The following MCTP2 variants were observed in gnomAD, a reference collection of about 807,000 sequenced individuals.
MCTP2 encodes the protein multiple C2 and transmembrane domain containing 2, also known as multiple C2 and transmembrane domain-containing protein 2.
In MCTP2, 132 loss-of-function variants were observed where a neutral mutation model predicts 111.6. The observed-to-expected ratio is 1.18, with a 90% CI of 1.03 to 1.37. MCTP2 has a LOEUF of 1.37. Ranked by LOEUF, MCTP2 falls within the 40% of genes most tolerant of loss-of-function variation. MCTP2 has a pLI of 0.00. For missense variants in MCTP2, 1,183 were observed against 1,067.9 expected (o/e 1.11, Z -1.50); for synonymous variants, 395 against 387.7 (o/e 1.02, Z -0.22).
intron 17 of MCTP2, among the ~76,000 whole-genome samples, chr15:94,405,949 T>C (rs1024874600): frequency 1.3e-5 from 2 of 152,186 alleles, no homozygotes; most frequent in African/African-American, 2.4e-5. Context: ...CAAATTAATA[T>C]GAGATGTTGA....
At chr15:94,385,584 T>C (rs758366074) in intron 14 of MCTP2, 59 bp downstream of exon 14, 1 of 1,172,236 alleles carries the variant, frequency 8.5e-7, no homozygotes, top group Non-Finnish European at 1.3e-6. Flanking sequence ...TGAGTTTCTA[T>C]GGTCTAGAGT....
At chr15:94,328,353 C>T (rs1387893553) in intron 4 of MCTP2, among the ~76,000 whole-genome samples, 4 of 152,090 alleles carry the variant, frequency 2.6e-5, no homozygotes, top group Non-Finnish European at 5.9e-5. Flanking sequence ...TGGTCTTGAT[C>T]TCCTGACCTC....
At chr15:94,409,884 C>CCCCT (rs2082078242) in intron 17 of MCTP2, among the ~76,000 whole-genome samples, 1 of 141,902 alleles carries the variant, frequency 7.0e-6, no homozygotes, top group Non-Finnish European at 1.5e-5. Flanking sequence ...CCTCCCTTTC[C>CCCCT]CCCTCCCTCC....
chr15:94,298,215 T>G lies in MCTP2; in HGVS notation c.-51T>G, dbSNP rs2152334177. 3 of 1,338,938 alleles carry G rather than the reference T, an allele frequency of 2.2e-6. No homozygotes were observed. Among genetic ancestry groups the G allele is most frequent in the Non-Finnish European group, 2.0e-6 (2 of 988,624 alleles). The allele number at this position is 1,338,938 out of a possible 1,614,324, so 82.9% of individuals were successfully genotyped here. A position where few individuals can be genotyped will look rare whatever the true frequency, so the allele number is the denominator to read the frequency against. ...CTGTTTTATAGGAGTCATTGCAGTTTTCAGTAGAGGTGTACTTCTGAGAAG... is the reference window on the plus strand; with the variant it reads ...CTGTTTTATAGGAGTCATTGCAGTTGTCAGTAGAGGTGTACTTCTGAGAAG... On this transcript the variant is annotated 5_prime_UTR_variant, in exon 2 of 23. Coordinates refer to ENST00000357742, the MANE Select transcript of MCTP2 (RefSeq NM_001385001.1).
rs762015943 is a variant in MCTP2, at chr15:94,402,003, G to C, written c.2069G>C (p.Ser690Thr). Residue 690 changes from serine (S) to threonine (T), a missense_variant, in exon 17 of 23, where the codon AGT becomes ACT. By Grantham distance (58) the Ser-to-Thr change is moderately conservative. Transcript: ENST00000357742. ...TTCCAGTGGGAATCCACATTAAGAA[G>C]TACAATAGCATTCGCGGTAAGCTTC... is the stretch of plus-strand genomic sequence containing the variant. ...SCFQWESTLR[S>T]TIAFAVFLIT... 6.2e-7 allele frequency: 1 copy of C among 1,612,060 alleles called. No homozygotes were observed. Among genetic ancestry groups the C allele is most frequent in the East Asian group, 2.2e-5 (1 of 44,824 alleles).
chr15:94,358,427 T>C, intron 9 of MCTP2, 55 bp from the exon 10 acceptor site: 1 of 1,503,634 alleles, frequency 6.7e-7, no homozygotes, highest in Non-Finnish European at 9.1e-7. Context: ...GTGTAGCTTC[T>C]GTAGCAATGA....
chr15:94,341,126 G>T, intron 7 of MCTP2: 1 of 510,052 alleles, frequency 2.0e-6, no homozygotes, highest in Non-Finnish European at 3.5e-6. Context: ...ATTTGTTAAG[G>T]AATTATTTCT....
chr15:94,482,104 T>G lies in MCTP2; in HGVS notation c.*3070T>G, dbSNP rs1016381237. 3.3e-5 allele frequency: 5 copies of G among 152,226 alleles called. No individual in the cohort carries two copies. The highest frequency in any genetic ancestry group is 4.4e-5 in the Non-Finnish European group (3 of 68,044). 9.4% of individuals were successfully genotyped at this position (152,226 alleles called of 1,614,324 possible). Reference sequence around the variant, plus strand: ...TTTTCTTTACTTGTAAATTATCATTTAACAAGTCTATATTGAATGCCGATA... The same window carrying G: ...TTTTCTTTACTTGTAAATTATCATTGAACAAGTCTATATTGAATGCCGATA... On this transcript the variant is annotated 3_prime_UTR_variant, in exon 23 of 23. Coordinates refer to ENST00000357742, the MANE Select transcript of MCTP2 (RefSeq NM_001385001.1).
intron 4 of MCTP2, among the ~76,000 whole-genome samples, chr15:94,336,202 C>T (rs972310480): frequency 1.9e-4 from 29 of 152,170 alleles, no homozygotes; most frequent in African/African-American, 4.3e-4. Context: ...TTCCCTCCTT[C>T]GCTGTTGGAG....
intron 1 of MCTP2, among the ~76,000 whole-genome samples, chr15:94,237,313 C>T (rs1376944352): frequency 1.3e-5 from 2 of 152,056 alleles, no homozygotes; most frequent in African/African-American, 2.4e-5. Flanking sequence ...GGAGATGAAT[C>T]CTCCACTCTC....
At chr15:94,261,662 T>C (rs112914525) in intron 1 of MCTP2, among the ~76,000 whole-genome samples, 1 of 152,224 alleles carries the variant, frequency 6.6e-6, no homozygotes, top group African/African-American at 2.4e-5. Context: ...ACCAGGCATA[T>C]GTAGTTGATG....
chr15:94,309,929 A>T (rs1419308745), intron 2 of MCTP2, among the ~76,000 whole-genome samples: 1 of 152,246 alleles, frequency 6.6e-6, no homozygotes, highest in African/African-American at 2.4e-5. Flanking sequence ...AATAGTGCTC[A>T]TTCCAAGATG....
Position 94,298,361 on chromosome 15 carries a change from A to G in MCTP2, c.96A>G (p.Pro32=), listed in dbSNP as rs1241326610. Residue 32 remains proline (P), a synonymous_variant, in exon 2 of 23, where the codon CCA becomes CCG. Coordinates refer to ENST00000357742, the MANE Select transcript of MCTP2 (RefSeq NM_001385001.1). ...GCAAGAAGAAGGTGAAAAAGAACCC[A>G]AGTAAGCCCCCAGATCTACGGGCAA... ...NLSKKKVKKN[P]SKPPDLRARH... 2.5e-6 allele frequency: 4 copies of G among 1,614,150 alleles called. No homozygotes were observed. Among genetic ancestry groups the G allele is most frequent in the Non-Finnish European group, 3.4e-6 (4 of 1,180,016 alleles).
intron 1 of MCTP2, among the ~76,000 whole-genome samples, chr15:94,244,498 A>G (rs574392531): frequency 6.1e-5 from 9 of 147,556 alleles, no homozygotes; most frequent in African/African-American, 2.0e-4. Context: ...GTATATGTAT[A>G]CACATACATA....
chr15:94,378,355 C>T (rs940716033), intron 12 of MCTP2, among the ~76,000 whole-genome samples: 27 of 146,316 alleles, frequency 1.8e-4, no homozygotes, highest in African/African-American at 6.3e-4. Context: ...AACCTGATGT[C>T]TACCAAAAAA....
chr15:94,325,645 T>C (rs2076828439), intron 4 of MCTP2, among the ~76,000 whole-genome samples: 1 of 148,918 alleles, frequency 6.7e-6, no homozygotes, highest in Non-Finnish European at 1.5e-5. Context: ...AGAGACTCTT[T>C]TAAAAGGCAC....
At chr15:94,234,543 A>G (rs866267792) in intron 1 of MCTP2, among the ~76,000 whole-genome samples, 1 of 152,038 alleles carries the variant, frequency 6.6e-6, no homozygotes, top group South Asian at 2.1e-4. Flanking sequence ...AGTGAGAGGG[A>G]AAGTTGTGGT....
At chr15:94,303,022 T>C (rs1433015292) in intron 2 of MCTP2, among the ~76,000 whole-genome samples, 1 of 99,952 alleles carries the variant, frequency 1.0e-5, no homozygotes, top group Non-Finnish European at 2.2e-5. Context: ...ACAAGGAAAC[T>C]CCCTGTATTA....
chr15:94,422,527 A>AT (rs955651733), intron 17 of MCTP2, among the ~76,000 whole-genome samples: 4 of 152,028 alleles, frequency 2.6e-5, no homozygotes, highest in Non-Finnish European at 5.9e-5. Flanking sequence ...ACTCTTCCTA[A>AT]TTTTTTTCCA....
Sources: gnomAD v4.1 joint callset for allele counts (sites outside exome capture counted in the v4.1 genomes callset) on GRCh38, gnomAD v4.1.1 for gene constraint, MANE v1.5 for transcripts, NCBI Gene and HGNC (gene_info 2026-07-23, HGNC 2026-07-21) for gene names.